Variants in SLC49A4 observed in about 807,000 individuals in gnomAD.
SLC49A4 encodes disrupted in renal cancer protein 2.
A neutral mutation model predicts 50.6 loss-of-function variants in SLC49A4; 36 were observed. The observed-to-expected ratio is 0.71, with a 90% CI of 0.55 to 0.94. The LOEUF is 0.94. SLC49A4 is among the 40% of genes least tolerant of loss of function. SLC49A4 has a pLI of 0.00. For synonymous variants in SLC49A4, 248 were observed against 241.2 expected (o/e 1.03, Z -0.26); for missense variants, 503 against 605.7 (o/e 0.83, Z 1.78).
intron 7 of SLC49A4, among the ~76,000 whole-genome samples, chr3:122,869,980 A>G (rs1203758949): frequency 1.4e-5 from 2 of 143,816 alleles, no homozygotes; most frequent in African/African-American, 5.1e-5. Flanking sequence ...TCAAGACTCT[A>G]TATTGATAGT....
At chr3:122,795,605 C>T (rs1485835516) in intron 1 of SLC49A4, 70 bp downstream of exon 1, 1 of 1,512,530 alleles carries the variant, frequency 6.6e-7, no homozygotes, top group East Asian at 2.6e-5. Flanking sequence ...GCGCTCCAGG[C>T]CTGCCAGCCG....
intron 2 of SLC49A4, among the ~76,000 whole-genome samples, chr3:122,813,692 T>G (rs1936329309): frequency 6.6e-6 from 1 of 152,198 alleles, no homozygotes; most frequent in Non-Finnish European, 1.5e-5. Context: ...GGGCAAACAA[T>G]TAAAACTTTA....
At chr3:122,837,160 C>T (rs1471947984) in intron 4 of SLC49A4, among the ~76,000 whole-genome samples, 12 of 152,108 alleles carry the variant, frequency 7.9e-5, no homozygotes, top group Non-Finnish European at 1.6e-4. Context: ...AGATTCAATG[C>T]CATCCCCATC....
chr3:122,852,525 T>G (rs1936939174), intron 5 of SLC49A4, among the ~76,000 whole-genome samples: 1 of 152,252 alleles, frequency 6.6e-6, no homozygotes, highest in Admixed American at 6.5e-5. Flanking sequence ...GGAGATAATT[T>G]AAGTATCAAG....
At chr3:122,823,502 A>T (rs1232170844) in intron 2 of SLC49A4, among the ~76,000 whole-genome samples, 1 of 152,138 alleles carries the variant, frequency 6.6e-6, no homozygotes, top group Non-Finnish European at 1.5e-5. Flanking sequence ...ACTTTTAGGG[A>T]TTCTTAAGGG....
chr3:122,816,728 C>A (rs1936371898), intron 2 of SLC49A4, among the ~76,000 whole-genome samples: 1 of 152,164 alleles, frequency 6.6e-6, no homozygotes, highest in Non-Finnish European at 1.5e-5. Flanking sequence ...ATCTTGTTAC[C>A]TTCTCCCCAG....
chr3:122,819,756 A>G (rs888986743), intron 2 of SLC49A4, among the ~76,000 whole-genome samples: 8 of 152,122 alleles, frequency 5.3e-5, no homozygotes, highest in African/African-American at 1.9e-4. Context: ...TCTTGGGCTA[A>G]ATAAAGGAAA....
intron 7 of SLC49A4, among the ~76,000 whole-genome samples, chr3:122,864,498 A>C (rs1320361801): frequency 1.3e-5 from 2 of 152,216 alleles, no homozygotes; most frequent in African/African-American, 2.4e-5. Flanking sequence ...GAGTTTACTG[A>C]AACAGTATAA....
chr3:122,881,026 A>C lies in SLC49A4; in HGVS notation c.*1648A>C, dbSNP rs1284682904. 6.6e-6 allele frequency: 1 copy of C among 152,226 alleles called. No individual in the cohort carries two copies. Among genetic ancestry groups the C allele is most frequent in the East Asian group, 1.9e-4 (1 of 5,204 alleles). The allele number at this position is 152,226 out of a possible 1,614,324, so 9.4% of individuals were successfully genotyped here. A position where few individuals can be genotyped will look rare whatever the true frequency, so the allele number is the denominator to read the frequency against. On this transcript the variant is annotated 3_prime_UTR_variant, in exon 9 of 9. Transcript: ENST00000261038. ...CTCTTTATAAACACTCTGCTCACTTAGCAGAAGGACTGAAGGAACTAAGGA... is the reference window on the plus strand; with the variant it reads ...CTCTTTATAAACACTCTGCTCACTTCGCAGAAGGACTGAAGGAACTAAGGA...
At chr3:122,814,704 G>T (rs913055198) in intron 2 of SLC49A4, among the ~76,000 whole-genome samples, 2 of 152,106 alleles carry the variant, frequency 1.3e-5, no homozygotes, top group African/African-American at 4.8e-5. Context: ...TGCGGCCCAG[G>T]ATGGCTTTGA....
intron 2 of SLC49A4, among the ~76,000 whole-genome samples, chr3:122,817,192 A>G (rs1390479746): frequency 1.3e-5 from 2 of 152,356 alleles, no homozygotes; most frequent in East Asian, 3.9e-4. Flanking sequence ...ATAAAGGAAA[A>G]TCATAAAGAG....
intron 1 of SLC49A4, among the ~76,000 whole-genome samples, chr3:122,805,139 A>G (rs960209632): frequency 5.3e-5 from 8 of 152,142 alleles, no homozygotes; most frequent in Non-Finnish European, 1.0e-4. Flanking sequence ...ATGACCATGT[A>G]TGTACGTTTC....
In SLC49A4 at chr3:122,827,006, T is replaced by G; in HGVS notation, c.644T>G (p.Leu215Arg). The G allele has an allele frequency of 6.2e-7, 1 of 1,614,206 alleles. No individual in the cohort carries two copies. ...GCTCCCAATGGGACATCACCTCTTC[T>G]TGCTGCAGAGAGCAGCAGGGCGCAT... ...VPAPNGTSPL[L>R]AAESSRAHIK... The change falls in exon 3 of 9, where the codon CTT becomes CGT. Residue 215 changes from leucine (L) to arginine (R), a missense_variant. Leu to Arg is a moderately radical substitution (Grantham distance 102). Coordinates refer to ENST00000261038, the MANE Select transcript of SLC49A4 (RefSeq NM_032839.3).
chr3:122,844,100 G>A lies in SLC49A4; in HGVS notation c.834-1663G>A, dbSNP rs566173088. On this transcript the variant is annotated intron_variant, in intron 4 of 8. Coordinates refer to ENST00000261038, the MANE Select transcript of SLC49A4 (RefSeq NM_032839.3). ...GGAAAACAGACCCTGTAACATGATT[G>A]CTAGGTCATAAAATAGTCTAAGCTT... Among the ~76,000 whole-genome samples, 4 of 152,330 alleles carry A rather than the reference G, an allele frequency of 2.6e-5. No individual in the cohort carries two copies. In the South Asian group the frequency reaches 8.3e-4, roughly 32 times the overall value.
intron 6 of SLC49A4, among the ~76,000 whole-genome samples, chr3:122,859,215 C>T (rs1417313401): frequency 2.7e-5 from 4 of 150,744 alleles, no homozygotes; most frequent in Admixed American, 6.6e-5. Flanking sequence ...CGTGAAGATC[C>T]GGGTGGTACC....
At chr3:122,856,245 CATTCCTTTTAT>C in intron 5 of SLC49A4, 51 bp from the exon 6 acceptor site, 1 of 1,542,652 alleles carries the variant, frequency 6.5e-7, no homozygotes, top group Non-Finnish European at 8.8e-7. Flanking sequence ...GACTTTTTTT[CATTCCTTTTAT>C]ATTGCAGTAT....
At chr3:122,860,500 A>G (rs1442878524) in intron 7 of SLC49A4, among the ~76,000 whole-genome samples, 1 of 152,232 alleles carries the variant, frequency 6.6e-6, no homozygotes, top group African/African-American at 2.4e-5. Flanking sequence ...AAAGATTTTT[A>G]TCTTGGTTAT....
At chr3:122,802,399 C>T (rs1936146369) in intron 1 of SLC49A4, among the ~76,000 whole-genome samples, 1 of 152,118 alleles carries the variant, frequency 6.6e-6, no homozygotes, top group Admixed American at 6.5e-5. Context: ...AGGTATAAAA[C>T]AACAGAGGAG....
In SLC49A4 at chr3:122,827,059, T is replaced by C. The variant is rs764427397; in HGVS notation, c.697T>C (p.Tyr233His). The C allele has an allele frequency of 6.3e-7, 1 of 1,599,450 alleles. No homozygotes were observed. Among genetic ancestry groups the C allele is most frequent in the East Asian group, 2.2e-5 (1 of 44,470 alleles). ...TAAAGATCGCATAGAGGCTGTGTTA[T>C]ATGCAGGTAATTTGAAGTTTATTTT... ...HIKDRIEAVL[Y>H]AEFGVVCLIF... The change falls in exon 3 of 9, where the codon TAT (tyrosine) becomes CAT (histidine). Residue 233 changes from tyrosine (Y) to histidine (H), a missense_variant. Physicochemically the swap from Tyr to His is moderately conservative, Grantham distance 83. Coordinates refer to ENST00000261038, the MANE Select transcript of SLC49A4 (RefSeq NM_032839.3).
Sources: gnomAD v4.1 joint callset for allele counts (sites outside exome capture counted in the v4.1 genomes callset) on GRCh38, gnomAD v4.1.1 for gene constraint, MANE v1.5 for transcripts, NCBI Gene and HGNC (gene_info 2026-07-23, HGNC 2026-07-21) for gene names.